The following CDK8 variants were observed in gnomAD, a reference collection of about 807,000 sequenced individuals.
CDK8 encodes the protein cyclin dependent kinase 8.
In CDK8, 29 loss-of-function variants were observed where a neutral mutation model predicts 71.5. The observed-to-expected ratio is 0.41, with a 90% CI of 0.30 to 0.55. CDK8 has a LOEUF of 0.55. CDK8 is among the 20% of genes least tolerant of loss of function. The pLI is 0.37. For missense variants in CDK8, 288 were observed against 572.6 expected (o/e 0.50, Z 5.07); for synonymous variants, 161 against 192.1 (o/e 0.84, Z 1.34).
At chr13:26,384,816 G>A (rs752411094) in intron 5 of CDK8, among the ~76,000 whole-genome samples, 3 of 152,208 alleles carry the variant, frequency 2.0e-5, no homozygotes, top group African/African-American at 4.8e-5. Flanking sequence ...GAACAGGCTT[G>A]TTGATGGAAA....
intron 1 of CDK8, among the ~76,000 whole-genome samples, chr13:26,268,999 T>C (rs527624073): frequency 6.6e-5 from 10 of 152,214 alleles, no homozygotes; most frequent in Non-Finnish European, 4.4e-5. Context: ...TTCATACTGA[T>C]GTTGGCTTTG....
At chr13:26,371,418 G>T (rs544123605) in intron 4 of CDK8, among the ~76,000 whole-genome samples, 1 of 152,216 alleles carries the variant, frequency 6.6e-6, no homozygotes, top group Admixed American at 6.5e-5. Context: ...TTTAGGGGGA[G>T]AAGAAAGTTG....
intron 3 of CDK8, among the ~76,000 whole-genome samples, chr13:26,349,942 G>A (rs1383494361): frequency 1.3e-5 from 2 of 152,072 alleles, no homozygotes; most frequent in Non-Finnish European, 2.9e-5. Context: ...TATTGTTACT[G>A]TACCTTTTCT....
chr13:26,380,109 G>A (rs543798698), intron 4 of CDK8, among the ~76,000 whole-genome samples: 6 of 152,344 alleles, frequency 3.9e-5, no homozygotes, highest in East Asian at 3.9e-4. Context: ...CCTGCCAGGC[G>A]CCTTGCATCC....
At chr13:26,377,101 C>T (rs1342282672) in intron 4 of CDK8, among the ~76,000 whole-genome samples, 1 of 152,232 alleles carries the variant, frequency 6.6e-6, no homozygotes, top group African/African-American at 2.4e-5. Context: ...TTTCATTCCC[C>T]CTGAAAGGGG....
chr13:26,376,265 TA>T (rs1874944197), intron 4 of CDK8, among the ~76,000 whole-genome samples: 1 of 152,012 alleles, frequency 6.6e-6, no homozygotes, highest in African/African-American at 2.4e-5. Flanking sequence ...TTTTGAAAGC[TA>T]AAAGTTTTCG....
rs537546549 is a variant in CDK8, at chr13:26,272,315, AAAAG to A, written c.128+17550_128+17553del. On this transcript the variant is annotated intron_variant, in intron 1 of 12. Coordinates refer to ENST00000381527, the MANE Select transcript of CDK8 (RefSeq NM_001260.3). Reference sequence around the variant, plus strand: ...AAGACCAAACTTTTTTTTTTAAAGAAAAAGAAAAAAAAGTTTTTATTTTTTGCTT... The same window carrying A: ...AAGACCAAACTTTTTTTTTTAAAGAAAAAAAAAAGTTTTTATTTTTTGCTT... 7.2e-3 allele frequency among the ~76,000 whole-genome samples: 1,089 copies of A among 152,198 alleles called. 13 individuals carry two copies. The highest frequency in any genetic ancestry group is 0.025 in the African/African-American group (1,045 of 41,510).
At chr13:26,258,171 G>T (rs1871612400) in intron 1 of CDK8, among the ~76,000 whole-genome samples, 1 of 152,100 alleles carries the variant, frequency 6.6e-6, no homozygotes, top group African/African-American at 2.4e-5. Flanking sequence ...ATTTACCCAT[G>T]AGTACACAGC....
chr13:26,322,618 A>G (rs943364769), intron 1 of CDK8, among the ~76,000 whole-genome samples: 1 of 152,190 alleles, frequency 6.6e-6, no homozygotes, highest in African/African-American at 2.4e-5. Flanking sequence ...ACTATTAGGC[A>G]GCCAAGGTGA....
intron 3 of CDK8, among the ~76,000 whole-genome samples, chr13:26,350,050 G>A (rs992823148): frequency 3.3e-5 from 5 of 152,178 alleles, no homozygotes; most frequent in African/African-American, 1.2e-4. Flanking sequence ...TAGCCTAGGA[G>A]CAGGAGGCTA....
intron 4 of CDK8, among the ~76,000 whole-genome samples, chr13:26,366,203 C>T (rs530269605): frequency 1.3e-5 from 2 of 152,136 alleles, no homozygotes; most frequent in South Asian, 2.1e-4. Flanking sequence ...TTCAGTTTGA[C>T]GACCATATCT....
At chr13:26,390,275 A>G (rs1875685809) in intron 6 of CDK8, among the ~76,000 whole-genome samples, 1 of 152,214 alleles carries the variant, frequency 6.6e-6, no homozygotes, top group Admixed American at 6.5e-5. Context: ...ATTCCATTTA[A>G]TGAAGGGGTT....
chr13:26,293,910 C>G (rs1873421555), intron 1 of CDK8, among the ~76,000 whole-genome samples: 1 of 151,940 alleles, frequency 6.6e-6, no homozygotes, highest in Admixed American at 6.6e-5. Flanking sequence ...CTTTTGCAAA[C>G]CTCTCCCCAA....
At chr13:26,300,177 G>A (rs1445307381) in intron 1 of CDK8, among the ~76,000 whole-genome samples, 2 of 152,074 alleles carry the variant, frequency 1.3e-5, no homozygotes, top group Admixed American at 6.6e-5. Flanking sequence ...ACTAGGTAAC[G>A]CGGTAGTCCC....
intron 4 of CDK8, among the ~76,000 whole-genome samples, chr13:26,363,271 T>TGAGCC (rs1317385767): frequency 1.7e-5 from 2 of 117,088 alleles, no homozygotes; most frequent in Admixed American, 2.4e-4. Context: ...GAGCTGGCAG[T>TGAGCC]GAGCCGAGAT....
chr13:26,330,114 C>G (rs1875240031), intron 1 of CDK8, among the ~76,000 whole-genome samples: 1 of 152,108 alleles, frequency 6.6e-6, no homozygotes, highest in Admixed American at 6.6e-5. Context: ...ACATAGTGAT[C>G]AAATCAGGGA....
At chr13:26,284,405 C>G (rs1872902365) in intron 1 of CDK8, among the ~76,000 whole-genome samples, 1 of 151,962 alleles carries the variant, frequency 6.6e-6, no homozygotes, top group Non-Finnish European at 1.5e-5. Context: ...GTAAGATTAA[C>G]CAAGAAGAGA....
At chr13:26,337,469 G>T (rs1389028534) in intron 1 of CDK8, 98 bp from the exon 2 acceptor site, 6 of 439,962 alleles carry the variant, frequency 1.4e-5, no homozygotes, top group African/African-American at 2.1e-5. Flanking sequence ...AATGTCAAAT[G>T]TGTATTAAAC....
intron 5 of CDK8, among the ~76,000 whole-genome samples, chr13:26,383,491 AAGTT>A (rs1875329285): frequency 6.6e-6 from 1 of 152,200 alleles, no homozygotes. Context: ...GGATAAAACT[AAGTT>A]TATTTAATCT....
Sources: gnomAD v4.1 joint callset for allele counts (sites outside exome capture counted in the v4.1 genomes callset) on GRCh38, gnomAD v4.1.1 for gene constraint, MANE v1.5 for transcripts, NCBI Gene and HGNC (gene_info 2026-07-23, HGNC 2026-07-21) for gene names.